Variants in RBFOX1 observed in about 807,000 individuals in gnomAD.
The protein encoded by RBFOX1 is RNA binding fox-1 homolog 1.
A neutral mutation model predicts 57.7 loss-of-function variants in RBFOX1; 8 were observed. That is an observed-to-expected ratio of 0.14 (90% CI 0.08 to 0.25). The LOEUF is 0.25. RBFOX1 is among the 10% of genes least tolerant of loss of function. RBFOX1 has a pLI of 1.00. For synonymous variants in RBFOX1, 326 were observed against 222.4 expected, an observed-to-expected ratio of 1.47 and a Z score of -4.15; for missense variants, 611 against 548.5, an observed-to-expected ratio of 1.11 and a Z score of -1.14.
At chr16:5,991,650 T>G (rs199930822) in intron 4 of RBFOX1, among the ~76,000 whole-genome samples, 2 of 126,602 alleles carry the variant, frequency 1.6e-5, no homozygotes, top group African/African-American at 3.0e-5. Flanking sequence ...AGATAGTTTT[T>G]TTTTTTTTTT....
chr16:7,332,287 A>G (rs774229143), intron 4 of RBFOX1, among the ~76,000 whole-genome samples: 31 of 152,314 alleles, frequency 2.0e-4, no homozygotes, highest in Non-Finnish European at 3.2e-4. Flanking sequence ...ACTTGTTGTG[A>G]GAATGAAATT....
rs1741848023 is a variant in RBFOX1, at chr16:5,400,336, GC to G, written c.220-66877del. 2.0e-5 allele frequency among the ~76,000 whole-genome samples: 3 copies of G among 151,412 alleles called. No homozygotes were observed. The South Asian group carries it at 6.3e-4, about 32-fold the overall frequency. ...TGCAACTCCTGACCTCTAATGATCG[GC>G]CCACCTTGGCCTCCCAAAGTGCTGG... On this transcript the variant is annotated intron_variant, in intron 1 of 2. Transcript: ENST00000585867.
intron 4 of RBFOX1, among the ~76,000 whole-genome samples, chr16:7,121,799 G>T (rs2067241855): frequency 6.6e-6 from 1 of 152,008 alleles, no homozygotes; most frequent in South Asian, 2.1e-4. Context: ...GCCTATAGAA[G>T]TAAAGATAGT....
intron 3 of RBFOX1, among the ~76,000 whole-genome samples, chr16:5,784,844 C>T (rs2054445585): frequency 6.6e-6 from 1 of 152,124 alleles, no homozygotes; most frequent in South Asian, 2.1e-4. Context: ...GAGGTAAGTC[C>T]TTCCCTCACC....
intron 1 of RBFOX1, among the ~76,000 whole-genome samples, chr16:5,438,593 C>G (rs1218969012): frequency 1.3e-5 from 2 of 152,166 alleles, no homozygotes; most frequent in Non-Finnish European, 2.9e-5. Flanking sequence ...TTGCAGCCCC[C>G]TACTTGATTC....
intron 1 of RBFOX1, among the ~76,000 whole-genome samples, chr16:6,226,265 C>T (rs969988664): frequency 3.4e-5 from 5 of 145,252 alleles, no homozygotes; most frequent in Non-Finnish European, 6.0e-5. Context: ...CCCAGGTACT[C>T]GGGAGGCTGA....
chr16:7,534,175 C>T (rs2080912349), intron 5 of RBFOX1, among the ~76,000 whole-genome samples: 1 of 151,136 alleles, frequency 6.6e-6, no homozygotes, highest in Non-Finnish European at 1.5e-5. Context: ...CAGCCTCCAC[C>T]TCCCAGGTTC....
intron 3 of RBFOX1, among the ~76,000 whole-genome samples, chr16:5,712,300 C>T (rs1003949162): frequency 2.0e-5 from 3 of 152,184 alleles, no homozygotes; most frequent in Admixed American, 6.5e-5. Flanking sequence ...ATTAGCAATA[C>T]CTCATTTAGT....
chr16:6,171,415 C>T (rs1295363825), intron 1 of RBFOX1, among the ~76,000 whole-genome samples: 2 of 152,156 alleles, frequency 1.3e-5, no homozygotes, highest in African/African-American at 2.4e-5. Flanking sequence ...TAGAGAATGC[C>T]TCAAAGGTAG....
chr16:6,712,141 G>A (rs2063817351), intron 3 of RBFOX1, among the ~76,000 whole-genome samples: 1 of 152,196 alleles, frequency 6.6e-6, no homozygotes, highest in South Asian at 2.1e-4. Flanking sequence ...ATGAATGAAT[G>A]ATGGAATGTA....
intron 1 of RBFOX1, among the ~76,000 whole-genome samples, chr16:6,115,510 A>G (rs1286109866): frequency 1.3e-5 from 2 of 152,196 alleles, no homozygotes; most frequent in Non-Finnish European, 2.9e-5. Context: ...GGGGTGGGCT[A>G]TAGTGAGATC....
Position 7,707,088 on chromosome 16 carries a change from G to C in RBFOX1, c.996-1968G>C, listed in dbSNP as rs149395396. Among the ~76,000 whole-genome samples, 543 of 152,292 alleles carry C rather than the reference G, an allele frequency of 3.6e-3. 4 individuals carry two copies. Among genetic ancestry groups the C allele is most frequent in the Non-Finnish European group, 5.3e-3 (362 of 68,018 alleles). On this transcript the variant is annotated intron_variant, in intron 14 of 15. Coordinates refer to ENST00000550418, the MANE Select transcript of RBFOX1 (RefSeq NM_018723.4). ...ACTGACAGATTCACCTCAGAAGAGA[G>C]GCATCCCTTCAGGTCCTTGTTTGAG... is the stretch of plus-strand genomic sequence containing the variant.
At chr16:5,692,122 A>G (rs893343875) in intron 3 of RBFOX1, among the ~76,000 whole-genome samples, 1 of 152,070 alleles carries the variant, frequency 6.6e-6, no homozygotes, top group Non-Finnish European at 1.5e-5. Flanking sequence ...TTAATAAACT[A>G]GGCAAATTCA....
At chr16:6,821,012 A>G (rs183575172) in intron 3 of RBFOX1, among the ~76,000 whole-genome samples, 9 of 152,208 alleles carry the variant, frequency 5.9e-5, no homozygotes, top group Non-Finnish European at 1.2e-4. Context: ...TCTTAGGGTT[A>G]TTATCACTTA....
intron 2 of RBFOX1, among the ~76,000 whole-genome samples, chr16:6,382,151 A>G (rs753057506): frequency 6.6e-6 from 1 of 152,158 alleles, no homozygotes; most frequent in Non-Finnish European, 1.5e-5. Context: ...CATCATTTTC[A>G]TGTGTTGAAG....
At chr16:5,676,514 A>G (rs2050173357) in intron 3 of RBFOX1, among the ~76,000 whole-genome samples, 1 of 152,122 alleles carries the variant, frequency 6.6e-6, no homozygotes, top group African/African-American at 2.4e-5. Flanking sequence ...CCATGTGCAA[A>G]ATGCAGATAG....
intron 4 of RBFOX1, among the ~76,000 whole-genome samples, chr16:5,916,534 C>T (rs918787803): frequency 6.6e-6 from 1 of 152,108 alleles, no homozygotes; most frequent in African/African-American, 2.4e-5. Context: ...GCCTATGTGC[C>T]CAGCCCTTCC....
intron 10 of RBFOX1, among the ~76,000 whole-genome samples, chr16:7,621,149 T>C (rs1049942011): frequency 6.6e-6 from 1 of 152,164 alleles, no homozygotes; most frequent in Admixed American, 6.6e-5. Flanking sequence ...CATCTATATA[T>C]TGACACCTAT....
intron 4 of RBFOX1, among the ~76,000 whole-genome samples, chr16:7,426,802 C>T (rs1027234076): frequency 2.0e-5 from 3 of 152,120 alleles, no homozygotes; most frequent in Non-Finnish European, 4.4e-5. Context: ...GGGGTGTAAG[C>T]AGAGAGGCAA....
Sources: allele counts gnomAD v4.1 joint callset (sites outside exome capture counted in the v4.1 genomes callset), GRCh38; gene constraint gnomAD v4.1.1; transcripts MANE v1.5; gene names NCBI Gene and HGNC (gene_info 2026-07-23, HGNC 2026-07-21).